Variants in POMK observed in about 807,000 individuals in gnomAD.
POMK encodes the protein Sugen kinase 196.
Under a neutral mutation model 23.0 loss-of-function variants are expected in POMK, and 19 were observed. That is an observed-to-expected ratio of 0.83 (90% CI 0.58 to 1.21). The LOEUF (loss-of-function observed/expected upper bound fraction) is 1.21. Ranked by LOEUF, POMK falls within the 50% of genes most tolerant of loss-of-function variation. The pLI is 0.00. For synonymous variants in POMK, 173 were observed against 171.6 expected (o/e 1.01, Z -0.06); for missense variants, 410 against 431.3 (o/e 0.95, Z 0.44).
intron 2 of POMK, among the ~76,000 whole-genome samples, chr8:43,098,596 TGTGA>T (rs1318233473): frequency 6.6e-6 from 1 of 152,190 alleles, no homozygotes; most frequent in Non-Finnish European, 1.5e-5. Flanking sequence ...TGAGTGTGTG[TGTGA>T]GTGTGTGTGT....
chr8:43,114,701 G>A (rs959653742), intron 4 of POMK, among the ~76,000 whole-genome samples: 5 of 152,226 alleles, frequency 3.3e-5, no homozygotes, highest in African/African-American at 7.2e-5. Flanking sequence ...TGTCTTCTGC[G>A]TCGCTCACGC....
Position 43,122,916 on chromosome 8 carries a change from A to T in POMK, c.*39A>T, listed in dbSNP as rs745687598. On this transcript the variant is annotated 3_prime_UTR_variant, in exon 5 of 5. Coordinates refer to ENST00000331373, the MANE Select transcript of POMK (RefSeq NM_032237.5). ...CAATGAAGGTGGGATTGAAGGGCTG[A>T]ATGGAAGTTACAGCATTCTACTCTG... 1.3e-6 allele frequency: 2 copies of T among 1,538,418 alleles called. No homozygotes were observed. The highest frequency in any genetic ancestry group is 1.8e-6 in the Non-Finnish European group (2 of 1,142,630).
chr8:43,120,917 T>C (rs1486531440), intron 4 of POMK, among the ~76,000 whole-genome samples: 1 of 152,154 alleles, frequency 6.6e-6, no homozygotes, highest in Non-Finnish European at 1.5e-5. Flanking sequence ...CCTCAGGTGA[T>C]CCACCCGCCT....
In POMK at chr8:43,116,081, T is replaced by G. The variant is rs1180598766; in HGVS notation, c.283-6026T>G. On this transcript the variant is annotated intron_variant, in intron 4 of 4. Transcript: ENST00000331373. The stretch of plus-strand genomic sequence containing the variant: ...TTTAAAATTGCAAACCATCCCTGCT[T>G]AATTCTTCTCTAAAGCGCATTTCTC... Among the ~76,000 whole-genome samples, 5 of 152,254 alleles carry G rather than the reference T, an allele frequency of 3.3e-5. No individual in the cohort carries two copies. The East Asian group carries it at 7.7e-4, about 23-fold the overall frequency.
chr8:43,095,336 A>G (rs1390842488), intron 1 of POMK, among the ~76,000 whole-genome samples: 2 of 152,162 alleles, frequency 1.3e-5, no homozygotes, highest in African/African-American at 4.8e-5. Flanking sequence ...AGTCAAATGA[A>G]TTTTGGGGTA....
At chr8:43,121,595 G>A (rs970862104) in intron 4 of POMK, among the ~76,000 whole-genome samples, 2 of 152,140 alleles carry the variant, frequency 1.3e-5, no homozygotes, top group African/African-American at 4.8e-5. Flanking sequence ...AGGGCTCTAC[G>A]CCCTCATGTA....
In POMK at chr8:43,122,728, G is replaced by T. The variant is rs1303530948; in HGVS notation, c.904G>T (p.Val302Phe). 6.2e-7 allele frequency: 1 copy of T among 1,614,048 alleles called. No individual in the cohort carries two copies. Among genetic ancestry groups the T allele is most frequent in the African/African-American group, 1.3e-5 (1 of 74,908 alleles). ...GGGGCACATTGAAGGGAGTGATATG[G>T]TCCGATTCCATTTGTTTGATATTCA... Reference protein sequence around the residue: ...LLGHIEGSDMVRFHLFDIHKA... With the variant: ...LLGHIEGSDMFRFHLFDIHKA... Residue 302 changes from valine to phenylalanine, a missense_variant, in exon 5 of 5, where the codon GTC becomes TTC. Physicochemically the swap from Val to Phe is conservative, Grantham distance 50. Transcript: ENST00000331373.
intron 4 of POMK, among the ~76,000 whole-genome samples, chr8:43,107,044 G>A (rs1475898875): frequency 6.6e-6 from 1 of 152,154 alleles, no homozygotes; most frequent in Non-Finnish European, 1.5e-5. Flanking sequence ...GACAAAGGCA[G>A]TAGTATCTTT....
chr8:43,118,299 G>A (rs538350224), intron 4 of POMK, among the ~76,000 whole-genome samples: 1 of 152,164 alleles, frequency 6.6e-6, no homozygotes, highest in Non-Finnish European at 1.5e-5. Context: ...TGAAAAAAGA[G>A]CTGCAATGTA....
intron 4 of POMK, among the ~76,000 whole-genome samples, chr8:43,107,091 A>G (rs1811559077): frequency 6.6e-6 from 1 of 152,168 alleles, no homozygotes; most frequent in African/African-American, 2.4e-5. Context: ...ACAGTCTACT[A>G]TAAGGTAAAT....
chr8:43,113,681 A>G (rs1057247892), intron 4 of POMK, among the ~76,000 whole-genome samples: 6 of 151,394 alleles, frequency 4.0e-5, no homozygotes, highest in East Asian at 1.9e-4. Flanking sequence ...AGGAGGAGAG[A>G]CGCTCTGCTT....
At chr8:43,115,291 C>T (rs1811774206) in intron 4 of POMK, among the ~76,000 whole-genome samples, 1 of 152,200 alleles carries the variant, frequency 6.6e-6, no homozygotes, top group Admixed American at 6.5e-5. Context: ...ATGACGTCAT[C>T]CAGCCTTCTG....
intron 4 of POMK, among the ~76,000 whole-genome samples, chr8:43,110,994 A>T (rs898731903): frequency 6.6e-6 from 1 of 152,058 alleles, no homozygotes; most frequent in African/African-American, 2.4e-5. Flanking sequence ...ACCCAGTGTG[A>T]GCGACGCAGA....
chr8:43,111,414 A>G (rs1811660527), intron 4 of POMK, among the ~76,000 whole-genome samples: 1 of 152,242 alleles, frequency 6.6e-6, no homozygotes, highest in Non-Finnish European at 1.5e-5. Context: ...AGGTAAACAA[A>G]GCAGCTGGGA....
At chr8:43,111,485 A>C (rs932109624) in intron 4 of POMK, among the ~76,000 whole-genome samples, 5 of 152,212 alleles carry the variant, frequency 3.3e-5, no homozygotes, top group Admixed American at 2.6e-4. Flanking sequence ...TATAGGCTCC[A>C]CCTCTGGGGG....
intron 4 of POMK, among the ~76,000 whole-genome samples, chr8:43,106,509 C>CTTTTTTTTTTTTTTTTTTTTTTT (rs1221471764): frequency 8.7e-6 from 1 of 115,200 alleles, no homozygotes; most frequent in African/African-American, 3.2e-5. Context: ...TTTACTTTTG[C>CTTTTTTTTTTTTTTTTTTTTTTT]TTTTTTTTTT....
chr8:43,106,113 A>G (rs1279114434), intron 4 of POMK, among the ~76,000 whole-genome samples: 1 of 152,228 alleles, frequency 6.6e-6, no homozygotes, highest in Non-Finnish European at 1.5e-5. Flanking sequence ...TCTCACTAAC[A>G]GAGTATAAGC....
chr8:43,105,630 T>G (rs1014906307), intron 4 of POMK, among the ~76,000 whole-genome samples: 1 of 152,186 alleles, frequency 6.6e-6, no homozygotes, highest in African/African-American at 2.4e-5. Context: ...TTGTGAATAG[T>G]GCTGCAATAA....
chr8:43,122,604 G>A lies in POMK; in HGVS notation c.780G>A (p.Trp260Ter). Reference protein sequence around the residue: ...HGDFVAPEQLWPYGEDVPFHD... With the variant: ...HGDFVAPEQL The stretch of plus-strand genomic sequence containing the variant: ...ATTTCGTGGCTCCAGAGCAACTGTG[G>A]CCCTATGGAGAGGACGTGCCTTTCC... The change falls in exon 5 of 5, where the codon TGG (tryptophan) becomes TGA (stop). Residue 260 changes from tryptophan to a stop codon, truncating the protein, a stop_gained. Coordinates refer to ENST00000331373, the MANE Select transcript of POMK (RefSeq NM_032237.5). LOFTEE classifies it high-confidence loss of function. 6.2e-7 allele frequency: 1 copy of A among 1,614,200 alleles called. No individual in the cohort carries two copies. The highest frequency in any genetic ancestry group is 1.1e-5 in the South Asian group (1 of 91,080).
Sources: gnomAD v4.1 joint callset for allele counts (sites outside exome capture counted in the v4.1 genomes callset) on GRCh38, gnomAD v4.1.1 for gene constraint, MANE v1.5 for transcripts, NCBI Gene and HGNC (gene_info 2026-07-23, HGNC 2026-07-21) for gene names.